ADAMTS20: variants seen among roughly 807,000 people sequenced by gnomAD.
ADAMTS20 encodes ADAM metallopeptidase with thrombospondin type 1 motif 20, also known as A disintegrin and metalloproteinase with thrombospondin motifs 20.
In ADAMTS20, 225 loss-of-function variants were observed where a neutral mutation model predicts 260.1. The observed-to-expected ratio is 0.87, with a 90% CI of 0.78 to 0.97. The LOEUF (loss-of-function observed/expected upper bound fraction) is 0.97, where lower values mean the gene tolerates loss of function less well. Among genes scored for constraint, ADAMTS20 ranks in the 50% least tolerant of loss-of-function variants. The pLI, the probability that ADAMTS20 is intolerant of heterozygous loss-of-function variation, is 0.00. For missense variants in ADAMTS20, 2,400 were observed against 2,337.7 expected (o/e 1.03, Z -0.55); for synonymous variants, 802 against 769.5 (o/e 1.04, Z -0.70).
intron 3 of ADAMTS20, among the ~76,000 whole-genome samples, chr12:43,516,382 T>C (rs1403299366): frequency 6.6e-6 from 1 of 152,218 alleles, no homozygotes; most frequent in Non-Finnish European, 1.5e-5. Flanking sequence ...TACTGCTTCC[T>C]TTTCATAAGC....
intron 38 of ADAMTS20, 125 bp downstream of exon 38, chr12:43,356,359 C>A: frequency 1.7e-6 from 1 of 585,414 alleles, no homozygotes; most frequent in South Asian, 2.4e-5. Context: ...GTAATATACC[C>A]ATTATATGCA....
chr12:43,542,159 T>C (rs1251906845), intron 2 of ADAMTS20, among the ~76,000 whole-genome samples: 1 of 152,192 alleles, frequency 6.6e-6, no homozygotes, highest in Non-Finnish European at 1.5e-5. Context: ...GGCCACGTTC[T>C]TGTGGGGTCT....
chr12:43,548,537 A>C (rs1445753569), intron 2 of ADAMTS20, among the ~76,000 whole-genome samples: 3 of 152,214 alleles, frequency 2.0e-5, no homozygotes, highest in Non-Finnish European at 1.5e-5. Flanking sequence ...AGGTTCTATT[A>C]TTTGATGAAA....
At chr12:43,375,308 A>G in intron 36 of ADAMTS20, 71 bp downstream of exon 36, 1 of 1,511,630 alleles carries the variant, frequency 6.6e-7, no homozygotes, top group Non-Finnish European at 9.0e-7. Context: ...TACAACATAT[A>G]CCAACATATT....
intron 28 of ADAMTS20, among the ~76,000 whole-genome samples, chr12:43,411,351 G>GTTGTTTGT (rs141577930): frequency 0.028 from 4,219 of 151,710 alleles, 70 homozygotes; most frequent in African/African-American, 0.045. Flanking sequence ...AAAAGCATCT[G>GTTGTTTGT]TTGTTTGTTT....
At chr12:43,409,464 T>C (rs1164072466) in intron 28 of ADAMTS20, among the ~76,000 whole-genome samples, 8 of 148,728 alleles carry the variant, frequency 5.4e-5, no homozygotes, top group South Asian at 2.1e-4. Flanking sequence ...TAGCCGGGCG[T>C]AGTGGCGGGC....
At chr12:43,514,086 TAAAAAAAA>T (rs71091163) in intron 3 of ADAMTS20, among the ~76,000 whole-genome samples, 2 of 100,572 alleles carry the variant, frequency 2.0e-5, no homozygotes, top group Admixed American at 1.0e-4. Context: ...GAATAAACTC[TAAAAAAAA>T]AAAAAAAAAA....
intron 28 of ADAMTS20, among the ~76,000 whole-genome samples, chr12:43,417,074 G>A (rs1941146790): frequency 6.6e-6 from 1 of 152,140 alleles, no homozygotes; most frequent in African/African-American, 2.4e-5. Context: ...AGGAGAGTAT[G>A]CCATTCTTAT....
intron 22 of ADAMTS20, 107 bp from the exon 23 acceptor site, chr12:43,430,578 T>C: frequency 9.5e-7 from 1 of 1,055,456 alleles, no homozygotes; most frequent in Non-Finnish European, 1.3e-6. Context: ...AATAATCTTT[T>C]TATCAATCCT....
chr12:43,401,706 CTTTATAT>C (rs1349220910), intron 28 of ADAMTS20, among the ~76,000 whole-genome samples: 1 of 148,778 alleles, frequency 6.7e-6, no homozygotes, highest in Non-Finnish European at 1.5e-5. Context: ...TTTTATCAAT[CTTTATAT>C]TTTATAATTT....
At chr12:43,497,033 T>G (rs2056583485) in intron 4 of ADAMTS20, among the ~76,000 whole-genome samples, 1 of 152,180 alleles carries the variant, frequency 6.6e-6, no homozygotes, top group Admixed American at 6.5e-5. Flanking sequence ...CTAAAAGCCT[T>G]GTAATATTTT....
intron 29 of ADAMTS20, 138 bp from the exon 30 acceptor site, chr12:43,384,115 C>T: frequency 7.2e-6 from 6 of 830,528 alleles, no homozygotes; most frequent in Non-Finnish European, 8.8e-6. Context: ...AAAATACATA[C>T]AATAAGTATT....
At chr12:43,472,915 G>A (rs1418354505) in intron 7 of ADAMTS20, among the ~76,000 whole-genome samples, 1 of 140,904 alleles carries the variant, frequency 7.1e-6, no homozygotes, top group Non-Finnish European at 1.5e-5. Flanking sequence ...AGACTAGGAA[G>A]AAACTGCATC....
chr12:43,517,779 T>A (rs531471105), intron 3 of ADAMTS20, among the ~76,000 whole-genome samples: 4 of 152,062 alleles, frequency 2.6e-5, no homozygotes, highest in Non-Finnish European at 5.9e-5. Context: ...TCAAGACTTA[T>A]AACAGAGCTA....
rs1565583137 is a variant in ADAMTS20, at chr12:43,528,347, G to GAAAAAAAA, written c.613+3688_613+3689insTTTTTTTT. 5.6e-3 allele frequency among the ~76,000 whole-genome samples: 13 copies of GAAAAAAAA among 2,306 alleles called. 1 individual carries two copies. Among genetic ancestry groups the GAAAAAAAA allele is most frequent in the South Asian group, 0.017 (1 of 58 alleles). The allele number at this position is 2,306 out of a possible 152,430, so 1.5% of individuals were successfully genotyped here. ...AGACCAACAGCCAAGGCAATCCTAA[G>GAAAAAAAA]CAAAAAAAAAAAAAAAAAAAAAAAA... On this transcript the variant is annotated intron_variant, in intron 3 of 38. Coordinates refer to ENST00000389420, the MANE Select transcript of ADAMTS20 (RefSeq NM_025003.5).
chr12:43,356,981 T>C (rs1939760244), intron 37 of ADAMTS20, among the ~76,000 whole-genome samples: 3 of 152,196 alleles, frequency 2.0e-5, no homozygotes, highest in Admixed American at 2.0e-4. Context: ...TAATATAATA[T>C]TATTTTCCTG....
At chr12:43,380,283 A>C (rs1234708325) in intron 31 of ADAMTS20, among the ~76,000 whole-genome samples, 1 of 152,196 alleles carries the variant, frequency 6.6e-6, no homozygotes, top group Non-Finnish European at 1.5e-5. Flanking sequence ...CTAGAAGGGT[A>C]CTTCTTCAAT....
At chr12:43,445,299 A>C (rs1050498675) in intron 15 of ADAMTS20, among the ~76,000 whole-genome samples, 1 of 152,152 alleles carries the variant, frequency 6.6e-6, no homozygotes, top group Non-Finnish European at 1.5e-5. Context: ...TTTTTCAGTA[A>C]ATACAGACTG....
chr12:43,515,149 C>T (rs922567235), intron 3 of ADAMTS20, among the ~76,000 whole-genome samples: 1 of 152,172 alleles, frequency 6.6e-6, no homozygotes, highest in Non-Finnish European at 1.5e-5. Flanking sequence ...GCTCCATGTG[C>T]ATAAAATCAT....
Sources: gnomAD v4.1 joint callset for allele counts (sites outside exome capture counted in the v4.1 genomes callset) on GRCh38, gnomAD v4.1.1 for gene constraint, MANE v1.5 for transcripts, NCBI Gene and HGNC (gene_info 2026-07-23, HGNC 2026-07-21) for gene names.